AP4S1: variants seen among roughly 807,000 people sequenced by gnomAD.
AP4S1 encodes the protein AP-4 complex subunit sigma-1.
AP4S1 carries 23 observed loss-of-function variants against 19.8 expected under a neutral mutation model. The ratio of observed to expected loss-of-function variants is 1.16; its 90% confidence interval spans 0.84 to 1.65. The LOEUF (loss-of-function observed/expected upper bound fraction) is 1.65, where lower values mean the gene tolerates loss of function less well. AP4S1 is among the 40% of genes most tolerant of loss of function. The pLI is 0.00. For synonymous variants in AP4S1, 46 were observed against 54.1 expected (o/e 0.85, Z 0.66); for missense variants, 166 against 172.8 (o/e 0.96, Z 0.22).
chr14:31,057,932 GT>G (rs980745556), intron 1 of AP4S1, among the ~76,000 whole-genome samples: 385 of 139,152 alleles, frequency 2.8e-3, no homozygotes, highest in Middle Eastern at 3.9e-3. Context: ...CCAGCCAGTT[GT>G]TTTTTTTTTT....
At chr14:31,090,440 T>G (rs1594719485) in intron 5 of AP4S1, among the ~76,000 whole-genome samples, 3 of 152,320 alleles carry the variant, frequency 2.0e-5, no homozygotes, top group South Asian at 4.2e-4. Context: ...ACTCCGCTCT[T>G]TGGGAGATTG....
At chr14:31,092,483 T>TTA (rs1888101463) in intron 5 of AP4S1, among the ~76,000 whole-genome samples, 2 of 152,184 alleles carry the variant, frequency 1.3e-5, no homozygotes, top group African/African-American at 4.8e-5. Context: ...CATCAGAGAT[T>TTA]TGTAGAGGGC....
chr14:31,031,939 A>G (rs1176054716), intron 1 of AP4S1, among the ~76,000 whole-genome samples: 1 of 152,122 alleles, frequency 6.6e-6, no homozygotes, highest in Non-Finnish European at 1.5e-5. Context: ...TCTACAAAAA[A>G]TAAAACAATT....
At chr14:31,036,507 A>G (rs1884783741) in intron 1 of AP4S1, among the ~76,000 whole-genome samples, 1 of 152,216 alleles carries the variant, frequency 6.6e-6, no homozygotes, top group South Asian at 2.1e-4. Context: ...GAATTTTAGT[A>G]ATGTTACTAA....
chr14:31,062,914 C>T (rs1886516154), intron 1 of AP4S1, among the ~76,000 whole-genome samples: 1 of 151,812 alleles, frequency 6.6e-6, no homozygotes, highest in Admixed American at 6.6e-5. Context: ...TTGCAGTGAG[C>T]CGAGATTACG....
At chr14:31,039,710 C>T (rs1328816836) in intron 1 of AP4S1, among the ~76,000 whole-genome samples, 1 of 151,820 alleles carries the variant, frequency 6.6e-6, no homozygotes, top group Non-Finnish European at 1.5e-5. Context: ...CCTGCCTCAG[C>T]CTCCCGTGTA....
At chr14:31,079,434 A>G (rs1429578681) in intron 4 of AP4S1, among the ~76,000 whole-genome samples, 1 of 151,992 alleles carries the variant, frequency 6.6e-6, no homozygotes, top group African/African-American at 2.4e-5. Context: ...GCACATTCGG[A>G]GGGACACGGC....
chr14:31,079,822 T>G (rs966142706), intron 4 of AP4S1, among the ~76,000 whole-genome samples: 1 of 152,084 alleles, frequency 6.6e-6, no homozygotes, highest in African/African-American at 2.4e-5. Flanking sequence ...TGACTCCAAA[T>G]AAATAAATAC....
intron 1 of AP4S1, among the ~76,000 whole-genome samples, chr14:31,051,746 C>T (rs1318615906): frequency 6.6e-6 from 1 of 152,086 alleles, no homozygotes; most frequent in African/African-American, 2.4e-5. Context: ...CTGTAACTTC[C>T]CCCTCCCGGG....
At chr14:31,027,785 G>A (rs959638911) in intron 1 of AP4S1, among the ~76,000 whole-genome samples, 2 of 152,156 alleles carry the variant, frequency 1.3e-5, no homozygotes, top group Non-Finnish European at 2.9e-5. Flanking sequence ...ATGCACTAGT[G>A]TGTTTCTAAA....
At chr14:31,068,330 G>C (rs1308061022) in intron 2 of AP4S1, among the ~76,000 whole-genome samples, 5 of 152,326 alleles carry the variant, frequency 3.3e-5, no homozygotes, top group African/African-American at 1.2e-4. Context: ...TGCATAATGG[G>C]CTGCCTGTGA....
At chr14:31,055,982 T>C (rs1207636401) in intron 1 of AP4S1, among the ~76,000 whole-genome samples, 3 of 151,758 alleles carry the variant, frequency 2.0e-5, no homozygotes, top group Non-Finnish European at 4.4e-5. Context: ...TAGCTGGGAT[T>C]ACAGGCGCCC....
At chr14:31,038,458 A>G (rs1884903370) in intron 1 of AP4S1, among the ~76,000 whole-genome samples, 1 of 152,234 alleles carries the variant, frequency 6.6e-6, no homozygotes, top group Non-Finnish European at 1.5e-5. Flanking sequence ...CAAAACATGC[A>G]TATTAGCCAT....
intron 1 of AP4S1, among the ~76,000 whole-genome samples, chr14:31,057,223 T>C (rs2139526179): frequency 6.6e-6 from 1 of 152,304 alleles, no homozygotes; most frequent in South Asian, 2.1e-4. Flanking sequence ...AGTTTTCCCA[T>C]CTACAAAATG....
At chr14:31,057,825 A>G (rs1315478021) in intron 1 of AP4S1, among the ~76,000 whole-genome samples, 3 of 151,858 alleles carry the variant, frequency 2.0e-5, no homozygotes, top group Non-Finnish European at 2.9e-5. Flanking sequence ...AAGGGGATTC[A>G]CAATGTTAGC....
chr14:31,050,649 C>T (rs543159922), intron 1 of AP4S1, among the ~76,000 whole-genome samples: 1 of 152,118 alleles, frequency 6.6e-6, no homozygotes, highest in Non-Finnish European at 1.5e-5. Flanking sequence ...AGAGAATTTT[C>T]GTATACACTT....
At position 31,050,573 on chromosome 14, in the gene AP4S1, T is replaced by C. The variant is rs536353190; in HGVS notation, c.-71-15553T>C. On this transcript the variant is annotated intron_variant, in intron 1 of 5. Coordinates refer to ENST00000542754, the MANE Select transcript of AP4S1 (RefSeq NM_001128126.3). Reference sequence around the variant, plus strand: ...AATTCTCCCACCTCAGCCTCCCAAGTATCTGGGATTACAGGTTTGAGTATT... The same window carrying C: ...AATTCTCCCACCTCAGCCTCCCAAGCATCTGGGATTACAGGTTTGAGTATT... Among the ~76,000 whole-genome samples, 19 of 152,270 alleles carry C rather than the reference T, an allele frequency of 1.2e-4. 2 individuals are homozygous for C. The South Asian group carries it at 3.7e-3, about 30-fold the overall frequency.
chr14:31,047,382 A>G (rs1270891370), intron 1 of AP4S1, among the ~76,000 whole-genome samples: 2 of 146,066 alleles, frequency 1.4e-5, no homozygotes, highest in African/African-American at 2.5e-5. Context: ...TTTGAGACAC[A>G]ATCTTTTTTT....
intron 1 of AP4S1, among the ~76,000 whole-genome samples, chr14:31,064,048 T>TG (rs1566530885): frequency 6.6e-6 from 1 of 152,198 alleles, no homozygotes; most frequent in Non-Finnish European, 1.5e-5. Context: ...TATGCTCACT[T>TG]GCATTGATTT....
Sources: gnomAD v4.1 joint callset for allele counts (sites outside exome capture counted in the v4.1 genomes callset) on GRCh38, gnomAD v4.1.1 for gene constraint, MANE v1.5 for transcripts, NCBI Gene and HGNC (gene_info 2026-07-23, HGNC 2026-07-21) for gene names.